The following MAD1L1 variants were observed in gnomAD, a reference collection of about 807,000 sequenced individuals.
MAD1L1 encodes the protein mitotic arrest deficient 1 like 1, also known as mitotic spindle assembly checkpoint protein MAD1.
A neutral mutation model predicts 96.9 loss-of-function variants in MAD1L1; 95 were observed. The ratio of observed to expected loss-of-function variants is 0.98; its 90% CI spans 0.83 to 1.16. MAD1L1 has a LOEUF of 1.16. Among genes scored for constraint, MAD1L1 ranks in the 50% most tolerant of loss-of-function variants. The pLI, the probability that MAD1L1 is intolerant of heterozygous loss-of-function variation, is 0.00. For synonymous variants in MAD1L1, 473 were observed against 396.6 expected, an observed-to-expected ratio of 1.19 and a Z score of -2.29; for missense variants, 1,007 against 954.4, an observed-to-expected ratio of 1.06 and a Z score of -0.73.
chr7:2,150,747 G>A (rs1376863171), intron 10 of MAD1L1, among the ~76,000 whole-genome samples: 1 of 152,162 alleles, frequency 6.6e-6, no homozygotes, highest in Non-Finnish European at 1.5e-5. Context: ...ACACACCCAG[G>A]GCTGGTCATA....
At chr7:2,059,944 T>C (rs1348784284) in intron 12 of MAD1L1, among the ~76,000 whole-genome samples, 1 of 152,122 alleles carries the variant, frequency 6.6e-6, no homozygotes, top group African/African-American at 2.4e-5. Context: ...CATGTAAGAA[T>C]CTACCCTAAA....
intron 10 of MAD1L1, among the ~76,000 whole-genome samples, chr7:2,161,816 G>A (rs1790149874): frequency 6.6e-6 from 1 of 151,098 alleles, no homozygotes; most frequent in Admixed American, 6.6e-5. Flanking sequence ...GGGAGGTGAG[G>A]AGCATCTCTG....
intron 10 of MAD1L1, among the ~76,000 whole-genome samples, chr7:2,153,450 C>T (rs771912120): frequency 2.0e-5 from 3 of 152,166 alleles, no homozygotes; most frequent in Non-Finnish European, 2.9e-5. Flanking sequence ...AAATGGTCAA[C>T]ATCACTAATC....
intron 3 of MAD1L1, 101 bp from the exon 4 acceptor site, chr7:2,225,651 C>A: frequency 1.5e-6 from 2 of 1,300,530 alleles, no homozygotes; most frequent in South Asian, 1.4e-5. Context: ...GACCCATTCC[C>A]GCAGGTCCCG....
At chr7:1,947,732 C>T (rs56188628) in intron 16 of MAD1L1, among the ~76,000 whole-genome samples, 5,137 of 152,314 alleles carry the variant, frequency 0.034, 189 homozygotes, top group Admixed American at 0.097. Flanking sequence ...TGGAACCTGC[C>T]TCTGTAACAA....
intron 12 of MAD1L1, among the ~76,000 whole-genome samples, chr7:2,040,112 G>A (rs1783609349): frequency 6.6e-6 from 1 of 152,176 alleles, no homozygotes. Flanking sequence ...GATAAAGGCT[G>A]TAAAGGAATA....
At chr7:2,087,565 C>G (rs1785984623) in intron 11 of MAD1L1, among the ~76,000 whole-genome samples, 1 of 152,106 alleles carries the variant, frequency 6.6e-6, no homozygotes, top group South Asian at 2.1e-4. Flanking sequence ...AATACTACTA[C>G]TAATCAGGAA....
chr7:2,010,070 GTTTTT>G (rs56012894), intron 13 of MAD1L1, among the ~76,000 whole-genome samples: 16 of 89,766 alleles, frequency 1.8e-4, no homozygotes, highest in Admixed American at 7.5e-4. Context: ...TTTTTAACAG[GTTTTT>G]TTTTTTTTTT....
chr7:2,196,587 C>G (rs1314545771), intron 10 of MAD1L1, among the ~76,000 whole-genome samples: 2 of 152,240 alleles, frequency 1.3e-5, no homozygotes, highest in African/African-American at 2.4e-5. Flanking sequence ...CAGCCCAAAG[C>G]CTGGCAAACG....
intron 3 of MAD1L1, among the ~76,000 whole-genome samples, chr7:2,226,517 A>G (rs992331572): frequency 3.3e-5 from 5 of 152,210 alleles, no homozygotes; most frequent in African/African-American, 1.2e-4. Context: ...CTGAGCCTCA[A>G]AGAGCCCCAG....
intron 11 of MAD1L1, among the ~76,000 whole-genome samples, chr7:2,118,464 G>A (rs537477542): frequency 6.6e-6 from 1 of 152,368 alleles, no homozygotes; most frequent in Non-Finnish European, 1.5e-5. Context: ...TTGGCCGTGT[G>A]GGCGCGGTGA....
chr7:2,190,243 C>T (rs1305566788), intron 10 of MAD1L1, among the ~76,000 whole-genome samples: 1 of 152,122 alleles, frequency 6.6e-6, no homozygotes, highest in Non-Finnish European at 1.5e-5. Context: ...CGAGCAAAGG[C>T]CCATGAATGT....
chr7:1,914,883 G>C (rs1302085638), intron 17 of MAD1L1, among the ~76,000 whole-genome samples: 1 of 152,234 alleles, frequency 6.6e-6, no homozygotes, highest in Non-Finnish European at 1.5e-5. Flanking sequence ...CAAAGCGTTG[G>C]GATGACAGGC....
At chr7:2,155,509 C>T (rs1305146998) in intron 10 of MAD1L1, among the ~76,000 whole-genome samples, 1 of 152,180 alleles carries the variant, frequency 6.6e-6, no homozygotes, top group African/African-American at 2.4e-5. Flanking sequence ...CTCCATACTA[C>T]CTTCCGTCTC....
chr7:2,115,495 G>T (rs1171482135), intron 11 of MAD1L1, among the ~76,000 whole-genome samples: 3 of 143,506 alleles, frequency 2.1e-5, no homozygotes, highest in Non-Finnish European at 3.0e-5. Flanking sequence ...CACGTGTTCC[G>T]GGGTCAGAGG....
intron 18 of MAD1L1, among the ~76,000 whole-genome samples, chr7:1,857,257 G>A (rs769924701): frequency 1.3e-5 from 2 of 152,170 alleles, no homozygotes; most frequent in African/African-American, 4.8e-5. Flanking sequence ...CCCACGTCTC[G>A]GGCGAGGGTG....
chr7:2,156,034 A>T (rs1484742398), intron 10 of MAD1L1, among the ~76,000 whole-genome samples: 3 of 152,258 alleles, frequency 2.0e-5, no homozygotes, highest in African/African-American at 4.8e-5. Context: ...GTGGTCAGGC[A>T]GTTGCTGCAA....
At position 2,222,740 on chromosome 7, in the gene MAD1L1, G is replaced by T; in HGVS notation, c.306C>A (p.Arg102=). 1 of 1,602,984 alleles carries T rather than the reference G, an allele frequency of 6.2e-7. No homozygotes were observed. Residue 102 remains arginine, a synonymous_variant, in exon 5 of 19, where the codon CGC becomes CGA. Coordinates refer to ENST00000265854, the MANE Select transcript of MAD1L1 (RefSeq NM_001013836.2). The stretch of plus-strand genomic sequence containing the variant: ...GGATGCGCGTCAGGAGCTCCTGGTT[G>T]CGGTCGACCTCACGCTGTTAAGAGA... ...SARNYEREVD[R]NQELLTRIRQ...
At chr7:2,037,628 T>G (rs941867567) in intron 12 of MAD1L1, among the ~76,000 whole-genome samples, 1 of 152,218 alleles carries the variant, frequency 6.6e-6, no homozygotes, top group Admixed American at 6.5e-5. Flanking sequence ...ATCACTGTTA[T>G]GTCTGTTGTG....
Sources: allele counts gnomAD v4.1 joint callset (sites outside exome capture counted in the v4.1 genomes callset), GRCh38; gene constraint gnomAD v4.1.1; transcripts MANE v1.5; gene names NCBI Gene and HGNC (gene_info 2026-07-23, HGNC 2026-07-21).